Variants in FAT1 observed in about 807,000 individuals in gnomAD.
FAT1 encodes the protein FAT atypical cadherin 1.
FAT1 carries 171 observed loss-of-function variants against 329.8 expected under a neutral mutation model. That is an observed-to-expected ratio of 0.52 (90% CI 0.46 to 0.59). The LOEUF (loss-of-function observed/expected upper bound fraction) is 0.59, where lower values mean the gene tolerates loss of function less well. Ranked by LOEUF, FAT1 falls within the 20% of genes least tolerant of loss-of-function variation. The probability of loss-of-function intolerance (pLI) is 0.00; values close to 1 mark genes in which losing one functional copy is unlikely to be tolerated. For synonymous variants in FAT1, 2,233 were observed against 2,228.6 expected (o/e 1.00, Z -0.06); for missense variants, 5,672 against 5,774.4 (o/e 0.98, Z 0.57).
Position 186,707,382 on chromosome 4 carries a change from T to C in FAT1, c.2446A>G (p.Asn816Asp), listed in dbSNP as rs1407568242. 6.2e-7 allele frequency: 1 copy of C among 1,613,900 alleles called. No individual in the cohort carries two copies. The highest frequency in any genetic ancestry group is 1.3e-5 in the African/African-American group (1 of 74,926). ...RLLHVVVVDA[N>D]DNPPEFLQES... Reference sequence around the variant, plus strand: ...TGTAAAAACTCGGGTGGATTATCATTGGCATCGACAACCACGACATGTAGA... The same window carrying C: ...TGTAAAAACTCGGGTGGATTATCATCGGCATCGACAACCACGACATGTAGA... The change falls in exon 2 of 27, where the codon AAT becomes GAT. Residue 816 changes from asparagine to aspartate, a missense_variant. Asn to Asp is a conservative substitution (Grantham distance 23, BLOSUM62 1). Coordinates refer to ENST00000441802, the MANE Select transcript of FAT1 (RefSeq NM_005245.4).
Position 186,636,776 on chromosome 4 carries a change from C to CT in FAT1, c.3780dup (p.Asp1261ArgfsTer21). The CT allele has an allele frequency of 6.2e-7, 1 of 1,613,972 alleles. No homozygotes were observed. The highest frequency in any genetic ancestry group is 8.5e-7 in the Non-Finnish European group (1 of 1,179,892). On this transcript the variant is annotated frameshift_variant, in exon 5 of 27. Transcript: ENST00000441802. LOFTEE classifies it high-confidence loss of function. ...TCCCGTCTGGCATTTCTTTCTCGGT[C>CT]TGGCTTTTCCCGCTCAGGGAGTCTG... is the stretch of plus-strand genomic sequence containing the variant.
chr4:186,643,504 G>T (rs752750500), intron 3 of FAT1, among the ~76,000 whole-genome samples: 2 of 152,098 alleles, frequency 1.3e-5, no homozygotes, highest in African/African-American at 2.4e-5. Flanking sequence ...GGTGGCACCA[G>T]GTGATGCACC....
chr4:186,635,624 C>T (rs1045915276), intron 6 of FAT1, among the ~76,000 whole-genome samples: 5 of 152,046 alleles, frequency 3.3e-5, no homozygotes, highest in Non-Finnish European at 1.5e-5. Flanking sequence ...TTTAAATGTT[C>T]CAATCATATT....
At position 186,597,957 on chromosome 4, in the gene FAT1, G is replaced by C. The variant is rs1383985048; in HGVS notation, c.12257+15C>G. ...TACTACAATTGATTATGAAAGTTAA[G>C]AAAAATACACATACCTCTGACCAGT... On this transcript the variant is annotated intron_variant, in intron 23 of 26. Coordinates refer to ENST00000441802, the MANE Select transcript of FAT1 (RefSeq NM_005245.4). 1 of 1,590,236 alleles carries C rather than the reference G, an allele frequency of 6.3e-7. No individual in the cohort carries two copies. Among genetic ancestry groups the C allele is most frequent in the Middle Eastern group, 1.7e-4 (1 of 5,912 alleles).
chr4:186,714,085 C>T (rs73015670), intron 1 of FAT1, among the ~76,000 whole-genome samples: 29,340 of 152,082 alleles, frequency 0.19, 3,305 homozygotes, highest in African/African-American at 0.3. Context: ...AGTCCCCCAG[C>T]GGATTCTGAA....
At position 186,708,491 on chromosome 4, in the gene FAT1, G is replaced by T. The variant is rs1477293619; in HGVS notation, c.1337C>A (p.Ser446Tyr). The stretch of plus-strand genomic sequence containing the variant: ...TAAGACTTTCACCAAGACCTTGGTG[G>T]ACGCTTTTCTGTCACTTGTTGTTAC... ...LEVTTSDRKASTKVLVKVLGA... is the reference protein window; with the variant it reads ...LEVTTSDRKAYTKVLVKVLGA... The change falls in exon 2 of 27, where the codon TCC (serine) becomes TAC (tyrosine). Residue 446 changes from serine to tyrosine, a missense_variant. By Grantham distance (144) the Ser-to-Tyr change is moderately radical (BLOSUM62 -2). Around this residue, in one of 2 missense-constraint regions of FAT1, gnomAD observed 3,966 missense variants for 3,915.2 expected, o/e 1.01. Coordinates refer to ENST00000441802, the MANE Select transcript of FAT1 (RefSeq NM_005245.4). 1 of 1,613,934 alleles carries T rather than the reference G, an allele frequency of 6.2e-7. No individual in the cohort carries two copies. The highest frequency in any genetic ancestry group is 1.1e-5 in the South Asian group (1 of 91,072).
chr4:186,703,156 G>A (rs944379982), intron 2 of FAT1, among the ~76,000 whole-genome samples: 3 of 152,118 alleles, frequency 2.0e-5, no homozygotes, highest in African/African-American at 7.2e-5. Flanking sequence ...AGATGATACC[G>A]TGAGACCTGC....
intron 2 of FAT1, among the ~76,000 whole-genome samples, chr4:186,674,345 A>G (rs1579429130): frequency 1.3e-5 from 2 of 152,370 alleles, no homozygotes; most frequent in East Asian, 3.9e-4. Context: ...AAAGTTAAGG[A>G]AGTCATCCTC....
Position 186,636,075 on chromosome 4 carries a change from C to T in FAT1, c.4133G>A (p.Gly1378Glu), listed in dbSNP as rs1429714591. The T allele has an allele frequency of 6.2e-7, 1 of 1,613,842 alleles. No individual in the cohort carries two copies. The highest frequency in any genetic ancestry group is 1.7e-5 in the Admixed American group (1 of 60,006). ...GCCAGGAGGCTCCACAGATATTACT[C>T]CAATCATGTGAGCAACGGGGTCACT... is the stretch of plus-strand genomic sequence containing the variant. ...MESDPVAHMI[G>E]VISVEPPGIP... Residue 1378 changes from glycine (G) to glutamate (E), a missense_variant, in exon 6 of 27, where the codon GGA becomes GAA. Physicochemically the swap from Gly to Glu is moderately conservative, Grantham distance 98. Around this residue, in one of 2 missense-constraint regions of FAT1, gnomAD observed 3,966 missense variants for 3,915.2 expected, o/e 1.01. Transcript: ENST00000441802.
At chr4:186,703,674 A>G (rs925198236) in intron 2 of FAT1, among the ~76,000 whole-genome samples, 7 of 152,234 alleles carry the variant, frequency 4.6e-5, no homozygotes, top group African/African-American at 1.4e-4. Context: ...CCTGGTGGAC[A>G]TGGGCAATGG....
intron 3 of FAT1, among the ~76,000 whole-genome samples, chr4:186,660,402 T>C (rs2126611114): frequency 6.6e-6 from 1 of 152,348 alleles, no homozygotes; most frequent in South Asian, 2.1e-4. Context: ...GCTAAAATAC[T>C]GTTCTTCATC....
Position 186,665,607 on chromosome 4 carries a change from G to A in FAT1, c.3266-1994C>T, listed in dbSNP as rs1393783785. Among the ~76,000 whole-genome samples the A allele has an allele frequency of 2.0e-5, 3 of 152,276 alleles. No homozygotes were observed. The East Asian group carries it at 5.8e-4, about 29-fold the overall frequency. ...TGGATATTAGCCCTTGGTCAGATGA[G>A]TAGATGGCAAAAATTTTCTCCCATT... On this transcript the variant is annotated intron_variant, in intron 2 of 26. Coordinates refer to ENST00000441802, the MANE Select transcript of FAT1 (RefSeq NM_005245.4).
intron 2 of FAT1, among the ~76,000 whole-genome samples, chr4:186,689,661 A>C (rs1196931782): frequency 1.3e-5 from 2 of 152,208 alleles, no homozygotes; most frequent in African/African-American, 4.8e-5. Context: ...CCAGTGTAAT[A>C]GGCTTTTAAC....
At chr4:186,668,961 T>G (rs1158844737) in intron 2 of FAT1, among the ~76,000 whole-genome samples, 2 of 152,172 alleles carry the variant, frequency 1.3e-5, no homozygotes, top group Admixed American at 1.3e-4. Context: ...ATAAGTACTT[T>G]TTTATATAGT....
rs2126681654 is a variant in FAT1, at chr4:186,706,545, C to T, written c.3265+18G>A. 1 of 1,557,218 alleles carries T rather than the reference C, an allele frequency of 6.4e-7. No homozygotes were observed. Among genetic ancestry groups the T allele is most frequent in the Admixed American group, 2.0e-5 (1 of 50,434 alleles). On this transcript the variant is annotated intron_variant, in intron 2 of 26. Coordinates refer to ENST00000441802, the MANE Select transcript of FAT1 (RefSeq NM_005245.4). ...AATGGAAAAGGGCATCAAATGAGAGCAATAAAAACATATTTACCTGTCTCT... is the reference window on the plus strand; with the variant it reads ...AATGGAAAAGGGCATCAAATGAGAGTAATAAAAACATATTTACCTGTCTCT...
chr4:186,723,902 C>CGGCGCA, upstream of FAT1: 1 of 150,900 alleles, frequency 6.6e-6, no homozygotes, highest in African/African-American at 2.4e-5. Context: ...CCGCCGGCGC[C>CGGCGCA]GGCGCTCATT....
In FAT1 at chr4:186,606,058, C is replaced by T. The variant is rs368833173; in HGVS notation, c.10350+12G>A. The T allele has an allele frequency of 3.8e-5, 61 of 1,611,578 alleles. No individual in the cohort carries two copies. The highest frequency in any genetic ancestry group is 5.1e-5 in the Non-Finnish European group (60 of 1,179,278). ...AAAGAACCCCAGGACCACCTTGGCA[C>T]TCGAAGCCCACCTGGATAATGACAC... On this transcript the variant is annotated intron_variant, in intron 17 of 26. Coordinates refer to ENST00000441802, the MANE Select transcript of FAT1 (RefSeq NM_005245.4).
At chr4:186,670,367 C>T (rs1291501161) in intron 2 of FAT1, among the ~76,000 whole-genome samples, 1 of 152,150 alleles carries the variant, frequency 6.6e-6, no homozygotes, top group African/African-American at 2.4e-5. Context: ...ATAATTTTAA[C>T]GATATTTTCC....
intron 1 of FAT1, among the ~76,000 whole-genome samples, chr4:186,713,580 G>C (rs1340988195): frequency 6.6e-6 from 1 of 152,130 alleles, no homozygotes; most frequent in Non-Finnish European, 1.5e-5. Flanking sequence ...ATTCTTAAGA[G>C]ACAGAGAGTT....
Sources: gnomAD v4.1 joint callset for allele counts (sites outside exome capture counted in the v4.1 genomes callset) on GRCh38, gnomAD v4.1.1 for gene constraint, gnomAD v4.1.1 regional missense constraint, MANE v1.5 for transcripts, NCBI Gene and HGNC (gene_info 2026-07-23, HGNC 2026-07-21) for gene names.